NDUFAF1: variants seen among roughly 807,000 people sequenced by gnomAD.
The protein encoded by NDUFAF1 is NADH:ubiquinone oxidoreductase complex assembly factor 1, also known as complex I intermediate-associated protein 30, mitochondrial.
In NDUFAF1, 18 loss-of-function variants were observed where a neutral mutation model predicts 28.7. The observed-to-expected ratio is 0.63, with a 90% confidence interval of 0.43 to 0.93. The LOEUF (loss-of-function observed/expected upper bound fraction) is 0.93. Among genes scored for constraint, NDUFAF1 ranks in the 40% least tolerant of loss-of-function variants. The pLI is 0.00. For missense variants in NDUFAF1, 404 were observed against 398.3 expected (o/e 1.01, Z -0.12); for synonymous variants, 113 against 139.7 (o/e 0.81, Z 1.35).
At chr15:41,397,526 G>A (rs1430317309) in intron 1 of NDUFAF1, among the ~76,000 whole-genome samples, 2 of 152,100 alleles carry the variant, frequency 1.3e-5, no homozygotes. Context: ...TGGGCCGGGC[G>A]CGGTGGCTGA....
chr15:41,391,082 T>C (rs1263691769), intron 3 of NDUFAF1, among the ~76,000 whole-genome samples: 1 of 152,028 alleles, frequency 6.6e-6, no homozygotes, highest in Non-Finnish European at 1.5e-5. Context: ...TGGATAGTGG[T>C]AGTACAAGAT....
In NDUFAF1 at chr15:41,388,520, A is replaced by C; in HGVS notation, c.762T>G (p.Ile254Met). The C allele has an allele frequency of 6.2e-7, 1 of 1,604,760 alleles. No individual in the cohort carries two copies. Among genetic ancestry groups the C allele is most frequent in the South Asian group, 1.1e-5 (1 of 90,892 alleles). Residue 254 changes from isoleucine (I) to methionine (M), a missense_variant and splice_region_variant, in exon 4 of 5, where the codon ATT becomes ATG. By Grantham distance (10) the Ile-to-Met change is conservative (BLOSUM62 1). Coordinates refer to ENST00000260361, the MANE Select transcript of NDUFAF1 (RefSeq NM_016013.4). ...RGGPYWQEVKIPFSKFFFSNR... is the reference protein window; with the variant it reads ...RGGPYWQEVKMPFSKFFFSNR... ...TAGAGAAGAAAAATTTGGAAAAAGG[A>C]ATCTGAAAGAAGAAACCATTTACTT...
intron 1 of NDUFAF1, among the ~76,000 whole-genome samples, chr15:41,398,741 G>C (rs1412858949): frequency 6.6e-6 from 1 of 151,682 alleles, no homozygotes; most frequent in Non-Finnish European, 1.5e-5. Flanking sequence ...GATCACTTGA[G>C]GTCAGGAGTT....
At chr15:41,399,812 C>T (rs369848039) in intron 1 of NDUFAF1, among the ~76,000 whole-genome samples, 22 of 140,402 alleles carry the variant, frequency 1.6e-4, no homozygotes, top group Admixed American at 1.0e-3. Flanking sequence ...GCCGAGATCC[C>T]GCCACTGCAC....
rs769232284 is a variant in NDUFAF1, at chr15:41,396,837, C to A, written c.223G>T (p.Glu75Ter). Reference sequence around the variant, plus strand: ...TCGAAACTAACATCAGGCTTCTCCTCAGAAGAAGTTATATCCAAAGCAACT... The same window carrying A: ...TCGAAACTAACATCAGGCTTCTCCTAAGAAGAAGTTATATCCAAAGCAACT... The part of the protein sequence containing the change: ...KEVALDITSS[E>*]EKPDVSFDKA... The change falls in exon 2 of 5, where the codon GAG becomes TAG. Residue 75 changes from glutamate (E) to a stop codon, truncating the protein, a stop_gained. Transcript: ENST00000260361. LOFTEE classifies it high-confidence loss of function. 10 of 1,614,150 alleles carry A rather than the reference C, an allele frequency of 6.2e-6. No individual in the cohort carries two copies. Among genetic ancestry groups the A allele is most frequent in the East Asian group, 2.2e-5 (1 of 44,878 alleles).
chr15:41,394,817 C>T (rs2050361618), intron 3 of NDUFAF1, 42 bp downstream of exon 3: 3 of 1,607,712 alleles, frequency 1.9e-6, no homozygotes, highest in Non-Finnish European at 2.6e-6. Flanking sequence ...CTCACCCAGC[C>T]AAGACCTCAT....
intron 3 of NDUFAF1, among the ~76,000 whole-genome samples, chr15:41,393,115 TGTTGA>T (rs2050334590): frequency 6.7e-6 from 1 of 150,076 alleles, no homozygotes; most frequent in African/African-American, 2.5e-5. Context: ...GGGACTTTCT[TGTTGA>T]GTTTTTTTTT....
rs754295282 is a variant in NDUFAF1 at position 41,402,428 on chromosome 15, C to A, written c.-366G>T. The A allele has an allele frequency of 4.6e-6, 2 of 436,104 alleles. No homozygotes were observed. The highest frequency in any genetic ancestry group is 3.1e-5 in the South Asian group (2 of 63,538). The allele number at this position is 436,104 out of a possible 1,614,324, so 27.0% of individuals were successfully genotyped here. On this transcript the variant is annotated 5_prime_UTR_variant, in exon 1 of 5. Coordinates refer to ENST00000260361, the MANE Select transcript of NDUFAF1 (RefSeq NM_016013.4). Reference sequence around the variant, plus strand: ...CCCCACACCCGGGACACACCAACCGCCGGCCTGCCGCCGCTTACCTCCCCG... The same window carrying A: ...CCCCACACCCGGGACACACCAACCGACGGCCTGCCGCCGCTTACCTCCCCG...
In NDUFAF1 at chr15:41,388,458, G is replaced by A. The variant is rs770453146; in HGVS notation, c.824C>T (p.Pro275Leu). ...ACAGGAATATGTTACCTTATCAAGC[G>A]GAAGCTCATGCTGAACATCCCGGAT... ...GRIRDVQHEL[P>L]LDKISSIGFT... is the part of the protein sequence containing the mutation. The change falls in exon 4 of 5, where the codon CCG (proline) becomes CTG (leucine). Residue 275 changes from proline (P) to leucine (L), a missense_variant. By Grantham distance (98) the Pro-to-Leu change is moderately conservative. Transcript: ENST00000260361. 57 of 1,610,660 alleles carry A rather than the reference G, an allele frequency of 3.5e-5. No individual in the cohort carries two copies. The highest frequency in any genetic ancestry group is 4.6e-5 in the Non-Finnish European group (54 of 1,177,108).
At chr15:41,394,486 T>G in intron 3 of NDUFAF1, 1 of 702,746 alleles carries the variant, frequency 1.4e-6, no homozygotes, top group Non-Finnish European at 2.2e-6. Flanking sequence ...ATTCACTAGT[T>G]AGTATGTTAA....
In NDUFAF1 at chr15:41,394,938, G is replaced by A; in HGVS notation, c.680C>T (p.Thr227Ile). 6.2e-7 allele frequency: 1 copy of A among 1,614,134 alleles called. No homozygotes were observed. Among genetic ancestry groups the A allele is most frequent in the Non-Finnish European group, 8.5e-7 (1 of 1,180,016 alleles). Reference protein sequence around the residue: ...RPWMVNIKEDTDFFQRTNQMY... With the variant: ...RPWMVNIKEDIDFFQRTNQMY... Reference sequence around the variant, plus strand: ...CTGATTCGTCCTCTGGAAGAAATCTGTGTCCTCCTTGATATTCACCATCCA... The same window carrying A: ...CTGATTCGTCCTCTGGAAGAAATCTATGTCCTCCTTGATATTCACCATCCA... The change falls in exon 3 of 5, where the codon ACA becomes ATA. Residue 227 changes from threonine to isoleucine, a missense_variant. Thr to Ile is a moderately conservative substitution (Grantham distance 89). Transcript: ENST00000260361.
Position 41,387,476 on chromosome 15 carries a change from A to C in NDUFAF1, c.952T>G (p.Ser318Ala). ...AAAAGCCTTGGGTTAAGCTCTGGAG[A>C]ATTTTCATAGGCAAATTCTTCTGTA... ...AHTEEFAYEN[S>A]PELNPRLFK The change falls in exon 5 of 5, where the codon TCT (serine) becomes GCT (alanine). Residue 318 changes from serine to alanine, a missense_variant. By Grantham distance (99) the Ser-to-Ala change is moderately conservative (BLOSUM62 1). Coordinates refer to ENST00000260361, the MANE Select transcript of NDUFAF1 (RefSeq NM_016013.4). 6.2e-7 allele frequency: 1 copy of C among 1,613,878 alleles called. No individual in the cohort carries two copies. Among genetic ancestry groups the C allele is most frequent in the Non-Finnish European group, 8.5e-7 (1 of 1,179,794 alleles).
chr15:41,394,435 C>T, intron 3 of NDUFAF1: 1 of 1,227,500 alleles, frequency 8.1e-7, no homozygotes, highest in Admixed American at 2.3e-5. Context: ...AGAGATGTGC[C>T]TGTGACTTAG....
intron 3 of NDUFAF1, among the ~76,000 whole-genome samples, chr15:41,392,415 C>A (rs144842345): frequency 9.3e-4 from 142 of 152,150 alleles, no homozygotes; most frequent in African/African-American, 3.4e-3. Flanking sequence ...CTGAAGGGTC[C>A]TGATATGGTT....
Position 41,394,981 on chromosome 15 carries a change from G to T in NDUFAF1, c.637C>A (p.Arg213Ser). The stretch of plus-strand genomic sequence containing the variant: ...ACCATCCAAGGCCGACCATCCCCAC[G>T]TACACGGAGATACAGAGTATTGAAC... Reference protein sequence around the residue: ...SQFNTLYLRVRGDGRPWMVNI... With the variant: ...SQFNTLYLRVSGDGRPWMVNI... Residue 213 changes from arginine (R) to serine (S), a missense_variant, in exon 3 of 5, where the codon CGT (arginine) becomes AGT (serine). Physicochemically the swap from Arg to Ser is moderately radical, Grantham distance 110 (BLOSUM62 -1). Transcript: ENST00000260361. 1 of 1,614,008 alleles carries T rather than the reference G, an allele frequency of 6.2e-7. No individual in the cohort carries two copies. Among genetic ancestry groups the T allele is most frequent in the Non-Finnish European group, 8.5e-7 (1 of 1,180,010 alleles).
chr15:41,392,246 G>T (rs1013287385), intron 3 of NDUFAF1, among the ~76,000 whole-genome samples: 2 of 151,690 alleles, frequency 1.3e-5, no homozygotes, highest in Non-Finnish European at 2.9e-5. Context: ...CTAATTTTTT[G>T]TATTTTTAGT....
intron 3 of NDUFAF1, among the ~76,000 whole-genome samples, chr15:41,392,411 G>A (rs1470633750): frequency 2.0e-5 from 3 of 151,928 alleles, no homozygotes; most frequent in African/African-American, 7.3e-5. Context: ...ACCACTGAAG[G>A]GTCCTGATAT....
chr15:41,395,666 G>A (rs1322848560), intron 2 of NDUFAF1, among the ~76,000 whole-genome samples: 14 of 122,248 alleles, frequency 1.1e-4, no homozygotes, highest in Admixed American at 3.0e-4. Flanking sequence ...CACTGCGCCC[G>A]GCCTTTTTTT....
chr15:41,400,389 T>TA (rs2050446145), intron 1 of NDUFAF1, among the ~76,000 whole-genome samples: 1 of 130,996 alleles, frequency 7.6e-6, no homozygotes, highest in Non-Finnish European at 1.6e-5. Flanking sequence ...AAAAAAAAAA[T>TA]AGAGATGAGG....
Sources: allele counts gnomAD v4.1 joint callset (sites outside exome capture counted in the v4.1 genomes callset), GRCh38; gene constraint gnomAD v4.1.1; transcripts MANE v1.5; gene names NCBI Gene and HGNC (gene_info 2026-07-23, HGNC 2026-07-21).